The following RTN4RL1 variants were observed in gnomAD, a reference collection of about 807,000 sequenced individuals.
RTN4RL1 encodes reticulon 4 receptor like 1, also known as reticulon-4 receptor-like 1.
Under a neutral mutation model 25.6 loss-of-function variants are expected in RTN4RL1, and 7 were observed. The ratio of observed to expected loss-of-function variants is 0.27; its 90% confidence interval spans 0.16 to 0.51. The LOEUF (loss-of-function observed/expected upper bound fraction) is 0.51. Ranked by LOEUF, RTN4RL1 falls within the 20% of genes least tolerant of loss-of-function variation. The pLI, the probability that RTN4RL1 is intolerant of heterozygous loss-of-function variation, is 0.97. For missense variants in RTN4RL1, 500 were observed against 615.6 expected, an observed-to-expected ratio of 0.81 and a Z score of 1.99; for synonymous variants, 297 against 288.2, an observed-to-expected ratio of 1.03 and a Z score of -0.31.
At chr17:1,975,824 C>A (rs927149912) in intron 1 of RTN4RL1, among the ~76,000 whole-genome samples, 1 of 152,092 alleles carries the variant, frequency 6.6e-6, no homozygotes, top group Non-Finnish European at 1.5e-5. Flanking sequence ...TCTTTCAAGA[C>A]GATCTACCTC....
chr17:1,992,970 C>T (rs562689772), intron 1 of RTN4RL1, among the ~76,000 whole-genome samples: 6 of 152,188 alleles, frequency 3.9e-5, no homozygotes, highest in South Asian at 2.1e-4. Flanking sequence ...GGGCCGGGCG[C>T]GGTGGCTCCC....
chr17:2,024,508 GA>G (rs2067248592), intron 1 of RTN4RL1, among the ~76,000 whole-genome samples: 1 of 152,146 alleles, frequency 6.6e-6, no homozygotes, highest in Non-Finnish European at 1.5e-5. Flanking sequence ...CCCGCGCAGG[GA>G]ATGGAGGCTG....
At chr17:2,019,225 G>A (rs974067405) in intron 1 of RTN4RL1, 1 of 152,204 alleles carries the variant, frequency 6.6e-6, no homozygotes, top group Non-Finnish European at 1.5e-5. Context: ...GGCTGCTTTC[G>A]GCACTCTGCG....
At chr17:1,944,495 C>G (rs906993333) in intron 1 of RTN4RL1, among the ~76,000 whole-genome samples, 1 of 152,034 alleles carries the variant, frequency 6.6e-6, no homozygotes, top group African/African-American at 2.4e-5. Flanking sequence ...TCGCTCTGTC[C>G]CCCAGGCTGG....
chr17:1,980,100 G>A (rs1304465085), intron 1 of RTN4RL1, among the ~76,000 whole-genome samples: 1 of 151,902 alleles, frequency 6.6e-6, no homozygotes, highest in Non-Finnish European at 1.5e-5. Context: ...GCCTCACTCC[G>A]TCGCCCAGCC....
At chr17:1,964,678 G>A (rs1422513043) in intron 1 of RTN4RL1, among the ~76,000 whole-genome samples, 1 of 150,764 alleles carries the variant, frequency 6.6e-6, no homozygotes, top group East Asian at 2.0e-4. Flanking sequence ...CTTGCAGTGA[G>A]CCGAGATCAC....
chr17:1,979,434 G>A (rs1465195642), intron 1 of RTN4RL1, among the ~76,000 whole-genome samples: 1 of 151,958 alleles, frequency 6.6e-6, no homozygotes, highest in Non-Finnish European at 1.5e-5. Flanking sequence ...CTATGCGTGC[G>A]CCACTGCACT....
chr17:1,970,761 A>G (rs1308823459), intron 1 of RTN4RL1, among the ~76,000 whole-genome samples: 1 of 152,040 alleles, frequency 6.6e-6, no homozygotes, highest in East Asian at 1.9e-4. Context: ...CCCTGCCCCC[A>G]GGCTCCTACC....
At chr17:1,948,471 G>A (rs1252234639) in intron 1 of RTN4RL1, among the ~76,000 whole-genome samples, 5 of 152,254 alleles carry the variant, frequency 3.3e-5, no homozygotes, top group Non-Finnish European at 7.3e-5. Context: ...CTGCGTCTGA[G>A]CTTGGCACCT....
At chr17:1,984,367 T>G (rs1472717818) in intron 1 of RTN4RL1, among the ~76,000 whole-genome samples, 1 of 152,140 alleles carries the variant, frequency 6.6e-6, no homozygotes, top group African/African-American at 2.4e-5. Context: ...CGCTGCTGCT[T>G]CTTTTCATTC....
chr17:1,946,057 C>T (rs948619098), intron 1 of RTN4RL1, among the ~76,000 whole-genome samples: 1 of 152,128 alleles, frequency 6.6e-6, no homozygotes, highest in African/African-American at 2.4e-5. Context: ...GGGGTGACCA[C>T]ACGGTGAGGA....
intron 1 of RTN4RL1, among the ~76,000 whole-genome samples, chr17:1,947,037 T>C (rs1411008402): frequency 5.4e-4 from 30 of 55,860 alleles, no homozygotes; most frequent in African/African-American, 1.3e-3. Context: ...TGCACATGTG[T>C]CTGTGTGCGT....
chr17:1,948,084 C>T (rs1915595078), intron 1 of RTN4RL1, among the ~76,000 whole-genome samples: 1 of 152,212 alleles, frequency 6.6e-6, no homozygotes, highest in Non-Finnish European at 1.5e-5. Context: ...CACCCTGATG[C>T]ACCCAACCCG....
chr17:1,941,901 A>G (rs2151304904), intron 1 of RTN4RL1, among the ~76,000 whole-genome samples: 1 of 152,188 alleles, frequency 6.6e-6, no homozygotes, highest in East Asian at 1.9e-4. Flanking sequence ...CAGCTTTGCC[A>G]CGGCTCCTCT....
At chr17:1,972,087 G>A (rs1288677074) in intron 1 of RTN4RL1, among the ~76,000 whole-genome samples, 2 of 151,980 alleles carry the variant, frequency 1.3e-5, no homozygotes, top group East Asian at 1.9e-4. Context: ...GCAGTGAACT[G>A]TGATCACACC....
chr17:2,015,330 G>A (rs911084645), intron 1 of RTN4RL1, among the ~76,000 whole-genome samples: 1 of 152,174 alleles, frequency 6.6e-6, no homozygotes, highest in African/African-American at 2.4e-5. Context: ...GGCCTTTGAG[G>A]CCACCAATGA....
chr17:1,949,513 C>G (rs903833431), intron 1 of RTN4RL1, among the ~76,000 whole-genome samples: 1 of 152,216 alleles, frequency 6.6e-6, no homozygotes, highest in Admixed American at 6.5e-5. Context: ...CTGCCAGGGT[C>G]CTTGTTCCCC....
intron 1 of RTN4RL1, among the ~76,000 whole-genome samples, chr17:2,008,509 T>G (rs938940338): frequency 1.3e-5 from 2 of 152,138 alleles, no homozygotes; most frequent in African/African-American, 4.8e-5. Context: ...CTCTTTGGGC[T>G]GTGGGGTTGT....
chr17:1,998,224 C>G lies in RTN4RL1; in HGVS notation c.13+26629G>C, dbSNP rs2066938765. On this transcript the variant is annotated intron_variant, in intron 1 of 1. Coordinates refer to ENST00000331238, the MANE Select transcript of RTN4RL1 (RefSeq NM_178568.4). This position sits in a 1 kb window ranked among gnomAD's most constrained non-coding sequence, Gnocchi z 4.9. ...GCCTTTGGGGGAGGGGCGGGGAGGGCTGTCGCATTGATCCGGAGCTGCAGG... is the reference window on the plus strand; with the variant it reads ...GCCTTTGGGGGAGGGGCGGGGAGGGGTGTCGCATTGATCCGGAGCTGCAGG... 6.6e-6 allele frequency among the ~76,000 whole-genome samples: 1 copy of G among 152,110 alleles called. No homozygotes were observed. Among genetic ancestry groups the G allele is most frequent in the Non-Finnish European group, 1.5e-5 (1 of 67,984 alleles).
Sources: gnomAD v4.1 joint callset for allele counts (sites outside exome capture counted in the v4.1 genomes callset) on GRCh38, gnomAD v4.1.1 for gene constraint, Gnocchi (gnomAD v3.1) non-coding constraint, MANE v1.5 for transcripts, NCBI Gene and HGNC (gene_info 2026-07-23, HGNC 2026-07-21) for gene names.